NMUR2: variants seen among roughly 807,000 people sequenced by gnomAD.
NMUR2 encodes the protein neuromedin-U receptor 2.
Under a neutral mutation model 25.1 loss-of-function variants are expected in NMUR2, and 24 were observed. That is an observed-to-expected ratio of 0.96 (90% confidence interval 0.69 to 1.34). The LOEUF is 1.34. Among genes scored for constraint, NMUR2 ranks in the 40% most tolerant of loss-of-function variants. NMUR2 has a pLI of 0.00. For missense variants in NMUR2, 533 were observed against 512.8 expected, an observed-to-expected ratio of 1.04 and a Z score of -0.38; for synonymous variants, 218 against 208.1, an observed-to-expected ratio of 1.05 and a Z score of -0.41.
intron 3 of NMUR2, among the ~76,000 whole-genome samples, chr5:152,392,914 T>C (rs1469790006): frequency 6.6e-6 from 1 of 152,184 alleles, no homozygotes; most frequent in East Asian, 1.9e-4. Flanking sequence ...AGAAGGTAAA[T>C]CAGCCAAGGC....
rs769998163 is a variant in NMUR2 at position 152,397,012 on chromosome 5, G to GTTTTTTTTTT, written c.811+1038_811+1047dup. ...TGACTTTAATATGAGTGAGCTTCAT[G>GTTTTTTTTTT]TTTTTTTTTTTTTTTTTTTGTGAGA... On this transcript the variant is annotated intron_variant, in intron 2 of 3. Transcript: ENST00000255262. Among the ~76,000 whole-genome samples, 35 of 105,724 alleles carry GTTTTTTTTTT rather than the reference G, an allele frequency of 3.3e-4. 3 individuals carry two copies. Among genetic ancestry groups the GTTTTTTTTTT allele is most frequent in the Non-Finnish European group, 6.1e-4 (30 of 48,798 alleles). The allele number at this position is 105,724 out of a possible 152,430, so 69.4% of individuals were successfully genotyped here.
rs530861122 is a variant in NMUR2 at position 152,396,192 on chromosome 5, A to G, written c.812-608T>C. On this transcript the variant is annotated intron_variant, in intron 2 of 3. Coordinates refer to ENST00000255262, the MANE Select transcript of NMUR2 (RefSeq NM_020167.5). Reference sequence around the variant, plus strand: ...TTCTTTGGGGCATTTAAGCTCCACAAATTAAACACACACACACACACACAC... The same window carrying G: ...TTCTTTGGGGCATTTAAGCTCCACAGATTAAACACACACACACACACACAC... 5.4e-3 allele frequency among the ~76,000 whole-genome samples: 690 copies of G among 128,404 alleles called. 4 individuals are homozygous for G. The highest frequency in any genetic ancestry group is 0.019 in the African/African-American group (658 of 35,320). 84.2% of individuals were successfully genotyped at this position (128,404 alleles called of 152,430 possible).
rs1304150625 is a variant in NMUR2, at chr5:152,395,587, G to A, written c.812-3C>T. The A allele has an allele frequency of 6.2e-7, 1 of 1,612,940 alleles. No homozygotes were observed. Among genetic ancestry groups the A allele is most frequent in the African/African-American group, 1.3e-5 (1 of 74,758 alleles). On this transcript the variant is annotated splice_region_variant and splice_polypyrimidine_tract_variant and intron_variant, in intron 2 of 3. Coordinates refer to ENST00000255262, the MANE Select transcript of NMUR2 (RefSeq NM_020167.5). Reference sequence around the variant, plus strand: ...AGCAAACACTAAGACCAAGACAACTGAAAATGGATGATAAATGGGAGACCA... The same window carrying A: ...AGCAAACACTAAGACCAAGACAACTAAAAATGGATGATAAATGGGAGACCA...
Position 152,404,543 on chromosome 5 carries a change from A to G in NMUR2, c.571T>C (p.Tyr191His), listed in dbSNP as rs1198042016. Residue 191 changes from tyrosine (Y) to histidine (H), a missense_variant, in exon 1 of 4, where the codon TAC (tyrosine) becomes CAC (histidine). Transcript: ENST00000255262. ...GGGACCAGGGACCCATTGGGGAAGT[A>G]GTGGAACTTGATGCCATGGATGCTG... ...NTSIHGIKFH[Y>H]FPNGSLVPGS... 3.1e-6 allele frequency: 5 copies of G among 1,614,136 alleles called. No individual in the cohort carries two copies. In the Admixed American group the frequency reaches 8.3e-5, roughly 27 times the overall value.
chr5:152,404,930 CA>C lies in NMUR2; in HGVS notation c.183del (p.Ile61MetfsTer9). 6.2e-7 allele frequency: 1 copy of C among 1,614,014 alleles called. No homozygotes were observed. Among genetic ancestry groups the C allele is most frequent in the South Asian group, 1.1e-5 (1 of 91,070 alleles). On this transcript the variant is annotated frameshift_variant, in exon 1 of 4. Coordinates refer to ENST00000255262, the MANE Select transcript of NMUR2 (RefSeq NM_020167.5). LOFTEE classifies it high-confidence loss of function. Reference sequence around the variant, plus strand: ...ATCACCAGGCACACCAGGACATTGCCAATGACCCCCACCACAAAAATTGGCA... The same window carrying C: ...ATCACCAGGCACACCAGGACATTGCCATGACCCCCACCACAAAAATTGGCA... ...VYVPIFVVGV[I>X]GNVLVCLVIL...
chr5:152,397,994 G>C (rs1237075152), intron 2 of NMUR2, 66 bp downstream of exon 2: 3 of 1,100,824 alleles, frequency 2.7e-6, no homozygotes, highest in Non-Finnish European at 4.1e-6. Context: ...GCATTTAGTT[G>C]GTACCAAATG....
rs555101725 is a variant in NMUR2 at position 152,405,229 on chromosome 5, C to T, written c.-116G>A. ...AAAGAGAAAGCAGTCACGAAAGTCA[C>T]AGGCTTCGTAAGGAAGGCTGGGAGA... On this transcript the variant is annotated 5_prime_UTR_variant, in exon 1 of 4. It adds an upstream start codon to the 5' untranslated region. Coordinates refer to ENST00000255262, the MANE Select transcript of NMUR2 (RefSeq NM_020167.5). 9.5e-6 allele frequency: 12 copies of T among 1,264,840 alleles called. No homozygotes were observed. In the African/African-American group the frequency reaches 1.8e-4, roughly 19 times the overall value. The allele number at this position is 1,264,840 out of a possible 1,614,324, so 78.4% of individuals were successfully genotyped here.
intron 1 of NMUR2, among the ~76,000 whole-genome samples, chr5:152,398,834 C>A (rs1753208527): frequency 1.3e-5 from 2 of 152,140 alleles, no homozygotes; most frequent in Admixed American, 1.3e-4. Flanking sequence ...TTTAATATTA[C>A]AGTAATATTA....
rs1346700033 is a variant in NMUR2 at position 152,391,978 on chromosome 5, T to G, written c.*213A>C. 2 of 511,370 alleles carry G rather than the reference T, an allele frequency of 3.9e-6. No individual in the cohort carries two copies. The highest frequency in any genetic ancestry group is 3.8e-5 in the African/African-American group (2 of 52,144). 31.7% of individuals were successfully genotyped at this position (511,370 alleles called of 1,614,324 possible). Reference sequence around the variant, plus strand: ...GTGAAGGGGCATGAGGCAGTTAGGATAGTGGAAAGATAACTAAAAATCAGG... The same window carrying G: ...GTGAAGGGGCATGAGGCAGTTAGGAGAGTGGAAAGATAACTAAAAATCAGG... On this transcript the variant is annotated 3_prime_UTR_variant, in exon 4 of 4. Transcript: ENST00000255262.
Position 152,401,940 on chromosome 5 carries a change from T to A in NMUR2, c.726+2448A>T, listed in dbSNP as rs575591571. 8.5e-5 allele frequency among the ~76,000 whole-genome samples: 13 copies of A among 152,272 alleles called. No individual in the cohort carries two copies. The East Asian group carries it at 1.4e-3, about 16-fold the overall frequency. On this transcript the variant is annotated intron_variant, in intron 1 of 3. Coordinates refer to ENST00000255262, the MANE Select transcript of NMUR2 (RefSeq NM_020167.5). ...CCAACAGAGTCACTCACTTAATCAT[T>A]AGGATTGCTTGGGTCTCCTTGAGAT...
intron 1 of NMUR2, among the ~76,000 whole-genome samples, chr5:152,403,513 C>T (rs948477619): frequency 6.6e-6 from 1 of 151,986 alleles, no homozygotes. Flanking sequence ...AGTTTACCAC[C>T]ATAAACATAG....
chr5:152,404,683 C>A lies in NMUR2; in HGVS notation c.431G>T (p.Arg144Leu). Residue 144 changes from arginine to leucine, a missense_variant, in exon 1 of 4, where the codon CGC (arginine) becomes CTC (leucine). Arg to Leu is a moderately radical substitution (Grantham distance 102, BLOSUM62 -2). Coordinates refer to ENST00000255262, the MANE Select transcript of NMUR2 (RefSeq NM_020167.5). The part of the protein sequence containing the change: ...ILSITTVSVE[R>L]YVAILHPFRA... The stretch of plus-strand genomic sequence containing the variant: ...GAACGGGTGTAGGATGGCCACGTAG[C>A]GCTCCACGCTGACGGTGGTGATGCT... 6.2e-7 allele frequency: 1 copy of A among 1,614,104 alleles called. No homozygotes were observed. The highest frequency in any genetic ancestry group is 8.5e-7 in the Non-Finnish European group (1 of 1,180,030).
At chr5:152,396,013 G>T (rs1753142322) in intron 2 of NMUR2, among the ~76,000 whole-genome samples, 1 of 152,070 alleles carries the variant, frequency 6.6e-6, no homozygotes, top group Non-Finnish European at 1.5e-5. Context: ...CAAGGAGAAA[G>T]AAGAGATCAA....
At chr5:152,398,482 C>A (rs921714602) in intron 1 of NMUR2, among the ~76,000 whole-genome samples, 1 of 151,866 alleles carries the variant, frequency 6.6e-6, no homozygotes, top group African/African-American at 2.4e-5. Context: ...TCAATTCATT[C>A]ATTCACTCAT....
intron 1 of NMUR2, among the ~76,000 whole-genome samples, chr5:152,403,870 C>T (rs1205387953): frequency 6.6e-6 from 1 of 152,046 alleles, no homozygotes; most frequent in African/African-American, 2.4e-5. Context: ...CTATCTTGGA[C>T]TACAAAATAG....
intron 1 of NMUR2, among the ~76,000 whole-genome samples, chr5:152,399,186 T>C (rs1463831351): frequency 6.6e-6 from 1 of 152,128 alleles, no homozygotes; most frequent in Non-Finnish European, 1.5e-5. Flanking sequence ...TAAAATACCA[T>C]CAAATATCCA....
At chr5:152,403,094 T>C (rs1298121379) in intron 1 of NMUR2, among the ~76,000 whole-genome samples, 1 of 152,244 alleles carries the variant, frequency 6.6e-6, no homozygotes, top group Non-Finnish European at 1.5e-5. Context: ...ATGTGATATC[T>C]GTTTGTCCTG....
chr5:152,399,445 A>G (rs940790499), intron 1 of NMUR2, among the ~76,000 whole-genome samples: 19 of 152,132 alleles, frequency 1.2e-4, no homozygotes, highest in Non-Finnish European at 2.8e-4. Flanking sequence ...ATGAGATTTC[A>G]GATATTTGCT....
intron 3 of NMUR2, among the ~76,000 whole-genome samples, 178 bp downstream of exon 3, chr5:152,395,281 T>C (rs931021363): frequency 1.3e-5 from 2 of 152,186 alleles, no homozygotes; most frequent in Non-Finnish European, 2.9e-5. Context: ...CTGGTATATA[T>C]GTATTTGGAA....
Sources: gnomAD v4.1 joint callset for allele counts (sites outside exome capture counted in the v4.1 genomes callset) on GRCh38, gnomAD v4.1.1 for gene constraint, MANE v1.5 for transcripts, NCBI Gene and HGNC (gene_info 2026-07-23, HGNC 2026-07-21) for gene names.